Variants in IMMP2L observed in about 807,000 individuals in gnomAD.
The protein encoded by IMMP2L is inner mitochondrial membrane peptidase subunit 2.
In IMMP2L, 18 loss-of-function variants were observed where a neutral mutation model predicts 19.3. The observed-to-expected ratio is 0.93, with a 90% CI of 0.64 to 1.38. IMMP2L has a LOEUF of 1.38. Among genes scored for constraint, IMMP2L ranks in the 40% most tolerant of loss-of-function variants. The pLI is 0.00. For synonymous variants in IMMP2L, 76 were observed against 73.0 expected (o/e 1.04, Z -0.21); for missense variants, 233 against 218.2 (o/e 1.07, Z -0.43).
chr7:110,719,953 C>A (rs149057566), intron 5 of IMMP2L, among the ~76,000 whole-genome samples: 1 of 152,260 alleles, frequency 6.6e-6, no homozygotes, highest in East Asian at 1.9e-4. Flanking sequence ...TTAAACCGAT[C>A]CAATATGTTC....
At chr7:110,996,407 G>A (rs1239045918) in intron 3 of IMMP2L, among the ~76,000 whole-genome samples, 2 of 152,036 alleles carry the variant, frequency 1.3e-5, no homozygotes, top group African/African-American at 2.4e-5. Context: ...GAAGCTGTAG[G>A]TATATGCTTA....
At chr7:110,973,460 T>C (rs149572922) in intron 3 of IMMP2L, among the ~76,000 whole-genome samples, 40 of 152,224 alleles carry the variant, frequency 2.6e-4, no homozygotes, top group Middle Eastern at 3.4e-3. Context: ...TATTTTTAGT[T>C]GACTGTACAC....
At position 111,256,272 on chromosome 7, in the gene IMMP2L, A is replaced by T. The variant is rs185890564; in HGVS notation, c.239+230966T>A. ...ACAAAATGGCATACATAAAGGTTAA[A>T]CTTTGTTTTGCTTTTAAACCAAACA... On this transcript the variant is annotated intron_variant, in intron 3 of 5. Coordinates refer to ENST00000405709, the MANE Select transcript of IMMP2L (RefSeq NM_032549.4). Among the ~76,000 whole-genome samples the T allele has an allele frequency of 1.6e-3, 238 of 152,218 alleles. 1 individual carries two copies. Among genetic ancestry groups the T allele is most frequent in the African/African-American group, 5.6e-3 (232 of 41,578 alleles).
chr7:111,462,913 G>T (rs373775174), intron 3 of IMMP2L, among the ~76,000 whole-genome samples: 12 of 152,078 alleles, frequency 7.9e-5, no homozygotes, highest in African/African-American at 2.2e-4. Context: ...GATCAATAAA[G>T]AACTTTTTCA....
rs1038544841 is a variant in IMMP2L at position 111,213,924 on chromosome 7, T to G, written c.240-250359A>C. On this transcript the variant is annotated intron_variant, in intron 3 of 5. Coordinates refer to ENST00000405709, the MANE Select transcript of IMMP2L (RefSeq NM_032549.4). This position sits in a 1 kb window ranked among gnomAD's most constrained non-coding sequence, Gnocchi z 4.8. ...TACCCCCTGTATCTAAGATAAAAGG[T>G]GATTTAAAAAAATAAGACCCAAGTC... is the stretch of plus-strand genomic sequence containing the variant. 1.3e-5 allele frequency among the ~76,000 whole-genome samples: 2 copies of G among 152,096 alleles called. No individual in the cohort carries two copies. Among genetic ancestry groups the G allele is most frequent in the Non-Finnish European group, 2.9e-5 (2 of 68,014 alleles).
chr7:110,857,383 A>G (rs1806906944), intron 5 of IMMP2L, among the ~76,000 whole-genome samples: 1 of 152,078 alleles, frequency 6.6e-6, no homozygotes, highest in Admixed American at 6.6e-5. Context: ...AGCATTATAA[A>G]ACACCTGCCC....
chr7:111,044,005 T>A (rs1276286222), intron 3 of IMMP2L, among the ~76,000 whole-genome samples: 1 of 152,186 alleles, frequency 6.6e-6, no homozygotes, highest in East Asian at 1.9e-4. Flanking sequence ...ACTGAGGCAT[T>A]CACCAAGTTA....
chr7:110,788,620 C>T (rs1004452918), intron 5 of IMMP2L, among the ~76,000 whole-genome samples: 1 of 151,658 alleles, frequency 6.6e-6, no homozygotes, highest in Non-Finnish European at 1.5e-5. Context: ...AATCATATAT[C>T]CAACTGTTTA....
At chr7:111,546,805 G>A (rs560020117) in intron 1 of IMMP2L, among the ~76,000 whole-genome samples, 1 of 152,192 alleles carries the variant, frequency 6.6e-6, no homozygotes, top group African/African-American at 2.4e-5. Context: ...TGAATTTTGT[G>A]ATATAGTAGC....
At chr7:111,486,142 T>C (rs1842636267) in intron 3 of IMMP2L, among the ~76,000 whole-genome samples, 2 of 152,186 alleles carry the variant, frequency 1.3e-5, no homozygotes, top group African/African-American at 2.4e-5. Context: ...CTGAGAAGCA[T>C]TTAATCCCCC....
intron 1 of IMMP2L, among the ~76,000 whole-genome samples, chr7:111,546,592 C>A (rs895939192): frequency 5.9e-5 from 9 of 151,916 alleles, no homozygotes; most frequent in Non-Finnish European, 1.3e-4. Flanking sequence ...ACTTTGTTTT[C>A]TTAATTCTCA....
At chr7:111,206,857 C>T (rs1810764119) in intron 3 of IMMP2L, among the ~76,000 whole-genome samples, 1 of 152,042 alleles carries the variant, frequency 6.6e-6, no homozygotes, top group Admixed American at 6.5e-5. Flanking sequence ...AACAATAAGC[C>T]TCATCAGGGG....
At chr7:111,348,683 A>G (rs1827828747) in intron 3 of IMMP2L, among the ~76,000 whole-genome samples, 1 of 152,164 alleles carries the variant, frequency 6.6e-6, no homozygotes, top group South Asian at 2.1e-4. Context: ...TATTATTAGT[A>G]TCATTTATAG....
chr7:110,777,792 T>TA (rs1292493969), intron 5 of IMMP2L, among the ~76,000 whole-genome samples: 1 of 151,990 alleles, frequency 6.6e-6, no homozygotes, highest in Non-Finnish European at 1.5e-5. Context: ...AATAAACTGT[T>TA]AAAAAAGATA....
At chr7:111,119,043 C>T (rs1490742918) in intron 3 of IMMP2L, among the ~76,000 whole-genome samples, 2 of 152,060 alleles carry the variant, frequency 1.3e-5, no homozygotes, top group African/African-American at 2.4e-5. Flanking sequence ...ATTAAGACTC[C>T]CCCAGAAAGA....
At chr7:110,935,507 G>A (rs1293754545) in intron 4 of IMMP2L, among the ~76,000 whole-genome samples, 1 of 151,958 alleles carries the variant, frequency 6.6e-6, no homozygotes, top group African/African-American at 2.4e-5. Context: ...GTATCTTTGT[G>A]GTGTTCTCTG....
chr7:110,731,800 C>T (rs1390776255), intron 5 of IMMP2L, among the ~76,000 whole-genome samples: 2 of 152,044 alleles, frequency 1.3e-5, no homozygotes, highest in African/African-American at 4.8e-5. Context: ...AGGATGAAGT[C>T]GATAAAAGGG....
At chr7:111,385,376 G>A (rs780171680) in intron 3 of IMMP2L, among the ~76,000 whole-genome samples, 1 of 152,076 alleles carries the variant, frequency 6.6e-6, no homozygotes, top group Non-Finnish European at 1.5e-5. Context: ...AAAGCAGCAG[G>A]GGAAGCAGTA....
chr7:110,930,643 ATT>A (rs1815369291), intron 4 of IMMP2L, among the ~76,000 whole-genome samples: 2 of 152,204 alleles, frequency 1.3e-5, no homozygotes, highest in Admixed American at 1.3e-4. Context: ...AAACTACTTA[ATT>A]ATCACATTAA....
Sources: gnomAD v4.1 joint callset for allele counts (sites outside exome capture counted in the v4.1 genomes callset) on GRCh38, gnomAD v4.1.1 for gene constraint, Gnocchi (gnomAD v3.1) non-coding constraint, MANE v1.5 for transcripts, NCBI Gene and HGNC (gene_info 2026-07-23, HGNC 2026-07-21) for gene names.